The following PKD1L1 variants were observed in gnomAD, a reference collection of about 807,000 sequenced individuals.
The protein encoded by PKD1L1 is polycystin 1 like 1, transient receptor potential channel interacting, also known as polycystin-1-like protein 1.
Under a neutral mutation model 323.4 loss-of-function variants are expected in PKD1L1, and 236 were observed. That is an observed-to-expected ratio of 0.73 (90% confidence interval 0.66 to 0.81). PKD1L1 has a LOEUF of 0.81. Ranked by LOEUF, PKD1L1 falls within the 40% of genes least tolerant of loss-of-function variation. The probability of loss-of-function intolerance (pLI) is 0.00; values close to 1 mark genes in which losing one functional copy is unlikely to be tolerated. For synonymous variants in PKD1L1, 1,344 were observed against 1,335.0 expected, an observed-to-expected ratio of 1.01 and a Z score of -0.15; for missense variants, 3,320 against 3,508.0, an observed-to-expected ratio of 0.95 and a Z score of 1.35.
At chr7:47,801,915 G>A (rs1023725562) in intron 53 of PKD1L1, among the ~76,000 whole-genome samples, 1 of 152,086 alleles carries the variant, frequency 6.6e-6, no homozygotes, top group African/African-American at 2.4e-5. Context: ...TTTTTGGCTG[G>A]GCGTGGTGGC....
intron 13 of PKD1L1, among the ~76,000 whole-genome samples, chr7:47,899,903 C>T (rs1787045399): frequency 6.8e-6 from 1 of 147,490 alleles, no homozygotes; most frequent in Non-Finnish European, 1.5e-5. Context: ...TTGCAGTGAG[C>T]CCAGATTGCA....
chr7:47,842,878 G>A, intron 34 of PKD1L1, 84 bp downstream of exon 34: 1 of 1,301,366 alleles, frequency 7.7e-7, no homozygotes, highest in Non-Finnish European at 1.1e-6. Flanking sequence ...GTGACAGACG[G>A]GGCAGCCAAA....
rs1562957347 is a variant in PKD1L1 at position 47,847,020 on chromosome 7, G to A, written c.5012C>T (p.Pro1671Leu). The change falls in exon 32 of 57, where the codon CCT (proline) becomes CTT (leucine). Residue 1671 changes from proline (P) to leucine (L), a missense_variant. Pro to Leu is a moderately conservative substitution (Grantham distance 98, BLOSUM62 -3). Transcript: ENST00000289672. ...SLLDADYDRK[P>L]PNRYLAKAVN... is the part of the protein sequence containing the mutation. ...TGCCTTAGCTAAATATCTGTTTGGA[G>A]GTTTTCTGTCATAGTCAGCATCCAA... 2 of 1,610,844 alleles carry A rather than the reference G, an allele frequency of 1.2e-6. No homozygotes were observed.
chr7:47,784,841 G>A (rs1786772902), intron 56 of PKD1L1, among the ~76,000 whole-genome samples: 1 of 152,184 alleles, frequency 6.6e-6, no homozygotes, highest in African/African-American at 2.4e-5. Flanking sequence ...AGTTACAAGA[G>A]TAATTCAGAA....
At chr7:47,842,398 G>A (rs537564455) in intron 34 of PKD1L1, among the ~76,000 whole-genome samples, 9 of 152,244 alleles carry the variant, frequency 5.9e-5, no homozygotes, top group South Asian at 2.1e-4. Flanking sequence ...AAATGGAAGC[G>A]TGAGTTCCAA....
intron 56 of PKD1L1, among the ~76,000 whole-genome samples, chr7:47,780,993 T>C (rs1313962623): frequency 6.6e-6 from 1 of 152,248 alleles, no homozygotes; most frequent in Non-Finnish European, 1.5e-5. Flanking sequence ...TTTCCCATAG[T>C]TGCTGTACCA....
rs144114173 is a variant in PKD1L1 at position 47,833,183 on chromosome 7, C to G, written c.6244G>C (p.Ala2082Pro). 2 of 1,612,936 alleles carry G rather than the reference C, an allele frequency of 1.2e-6. No individual in the cohort carries two copies. Among genetic ancestry groups the G allele is most frequent in the South Asian group, 1.1e-5 (1 of 90,738 alleles). Residue 2082 changes from alanine to proline, a missense_variant, in exon 41 of 57, where the codon GCT becomes CCT. Transcript: ENST00000289672. ...QRKAASDNGT[A>P]CPAPKLQVHG... ...ACCTGCAGCTTAGGGGCTGGACAAG[C>G]TGTGCCATTGTCACTTGCCGCCTTC...
rs148022491 is a variant in PKD1L1, at chr7:47,812,981, G to A, written c.7346+140C>T. ...TTCACAACAATGACAAGTCTGGCTG[G>A]AGCCCCTGGCAGTGGTGCGCTGACC... On this transcript the variant is annotated intron_variant, in intron 49 of 56. Coordinates refer to ENST00000289672, the MANE Select transcript of PKD1L1 (RefSeq NM_138295.5). The A allele has an allele frequency of 2.0e-4, 196 of 964,006 alleles. No individual in the cohort carries two copies. The East Asian group carries it at 3.5e-3, about 17-fold the overall frequency. The allele number at this position is 964,006 out of a possible 1,614,324, so 59.7% of individuals were successfully genotyped here. A position where few individuals can be genotyped will look rare whatever the true frequency, so the allele number is the denominator to read the frequency against.
intron 51 of PKD1L1, among the ~76,000 whole-genome samples, chr7:47,808,937 T>G (rs555454097): frequency 1.3e-5 from 2 of 152,370 alleles, no homozygotes; most frequent in East Asian, 3.9e-4. Context: ...CTTTCTTCAG[T>G]AATAAATTAA....
At chr7:47,835,274 A>G (rs754288024) in intron 37 of PKD1L1, 31 bp from the exon 38 acceptor site, 2 of 1,426,690 alleles carry the variant, frequency 1.4e-6, no homozygotes, top group South Asian at 2.6e-5. Context: ...CCATTACATC[A>G]ACTCAATATG....
intron 56 of PKD1L1, among the ~76,000 whole-genome samples, chr7:47,777,830 T>A (rs1786603037): frequency 6.6e-6 from 1 of 152,164 alleles, no homozygotes; most frequent in African/African-American, 2.4e-5. Flanking sequence ...GCTCCAGGTA[T>A]CACTCACACT....
Position 47,931,994 on chromosome 7 carries a change from T to A in PKD1L1, c.461A>T (p.His154Leu), listed in dbSNP as rs1287889814. ...CCCAGTAGCACACAGCCGCCTGTGA[T>A]GGAACCTGGGGCCACCACTGCTCCA... ...RAWSSGGPRF[H>L]HRRLCATGTA... is the part of the protein sequence containing the mutation. The change falls in exon 5 of 57, where the codon CAT becomes CTT. Residue 154 changes from histidine to leucine, a missense_variant. Transcript: ENST00000289672. The A allele has an allele frequency of 6.2e-7, 1 of 1,613,984 alleles. No individual in the cohort carries two copies. The highest frequency in any genetic ancestry group is 2.2e-5 in the East Asian group (1 of 44,888).
chr7:47,863,943 G>A (rs1042354201), intron 26 of PKD1L1, among the ~76,000 whole-genome samples: 1 of 152,098 alleles, frequency 6.6e-6, no homozygotes, highest in African/African-American at 2.4e-5. Context: ...GCTGTGAAGA[G>A]GAACATGAAA....
chr7:47,775,912 C>T (rs1786558428), intron 56 of PKD1L1, among the ~76,000 whole-genome samples: 1 of 150,732 alleles, frequency 6.6e-6, no homozygotes. Flanking sequence ...ATGATAACAA[C>T]ATATCAAAGA....
intron 46 of PKD1L1, among the ~76,000 whole-genome samples, chr7:47,820,388 A>G (rs1271022487): frequency 6.6e-6 from 1 of 152,218 alleles, no homozygotes; most frequent in Non-Finnish European, 1.5e-5. Flanking sequence ...AGGAGGAAGA[A>G]GCAAATGAAC....
chr7:47,895,244 G>T (rs1158664590), intron 14 of PKD1L1, among the ~76,000 whole-genome samples: 2 of 152,216 alleles, frequency 1.3e-5, no homozygotes, highest in African/African-American at 4.8e-5. Context: ...CCAAGACCTA[G>T]AGAAAGACAC....
At chr7:47,875,302 T>G (rs1786380186) in intron 23 of PKD1L1, among the ~76,000 whole-genome samples, 1 of 152,204 alleles carries the variant, frequency 6.6e-6, no homozygotes, top group Non-Finnish European at 1.5e-5. Context: ...AAGAAGGAAC[T>G]TCAGCTTGGC....
At chr7:47,852,298 C>A (rs975703561) in intron 31 of PKD1L1, among the ~76,000 whole-genome samples, 1 of 151,976 alleles carries the variant, frequency 6.6e-6, no homozygotes. Context: ...CTTGAAATTA[C>A]AATAAAAACT....
intron 28 of PKD1L1, among the ~76,000 whole-genome samples, chr7:47,855,871 G>A (rs1429060395): frequency 1.6e-4 from 5 of 31,250 alleles, no homozygotes; most frequent in African/African-American, 2.4e-4. Flanking sequence ...GCGAGACTCC[G>A]TCTCAAAAAA....
Sources: allele counts gnomAD v4.1 joint callset (sites outside exome capture counted in the v4.1 genomes callset), GRCh38; gene constraint gnomAD v4.1.1; transcripts MANE v1.5; gene names NCBI Gene and HGNC (gene_info 2026-07-23, HGNC 2026-07-21).